CCDC85C: variants seen among roughly 807,000 people sequenced by gnomAD.
The protein encoded by CCDC85C is coiled-coil domain-containing protein 85C.
A neutral mutation model predicts 38.3 loss-of-function variants in CCDC85C; 18 were observed. That is an observed-to-expected ratio of 0.47 (90% confidence interval 0.33 to 0.70). The LOEUF is 0.70. CCDC85C is among the 30% of genes least tolerant of loss of function. CCDC85C has a pLI of 0.03. For synonymous variants in CCDC85C, 264 were observed against 293.8 expected, an observed-to-expected ratio of 0.90 and a Z score of 1.04; for missense variants, 566 against 621.2, an observed-to-expected ratio of 0.91 and a Z score of 0.94.
At chr14:99,550,642 G>A (rs902844720) in intron 1 of CCDC85C, among the ~76,000 whole-genome samples, 2 of 152,182 alleles carry the variant, frequency 1.3e-5, no homozygotes, top group African/African-American at 4.8e-5. Flanking sequence ...CCAACCTTAG[G>A]AGACTGCAGT....
chr14:99,543,122 A>C (rs1897744775), intron 1 of CCDC85C, among the ~76,000 whole-genome samples: 1 of 152,208 alleles, frequency 6.6e-6, no homozygotes, highest in Admixed American at 6.5e-5. Flanking sequence ...GTTCCCCATC[A>C]TAGGGGGAGA....
At chr14:99,595,880 C>A (rs2055137601) in intron 1 of CCDC85C, among the ~76,000 whole-genome samples, 1 of 152,236 alleles carries the variant, frequency 6.6e-6, no homozygotes, top group East Asian at 1.9e-4. Flanking sequence ...TGAGAGAAAA[C>A]CCAGTTGCTG....
Position 99,501,418 on chromosome 14 carries a change from A to G in CCDC85C, c.*13828T>C. The G allele has an allele frequency of 6.3e-7, 1 of 1,576,914 alleles. No homozygotes were observed. The highest frequency in any genetic ancestry group is 2.2e-5 in the East Asian group (1 of 44,712). On this transcript the variant is annotated 3_prime_UTR_variant, in exon 6 of 6. Transcript: ENST00000380243. ...ATGGACATTTGTAAATGACAGGTAT[A>G]CATGTTCAAATGTTGATTAATTACA...
At chr14:99,528,042 C>T (rs1355056586) in intron 2 of CCDC85C, among the ~76,000 whole-genome samples, 2 of 152,152 alleles carry the variant, frequency 1.3e-5, no homozygotes, top group African/African-American at 2.4e-5. Context: ...GAGGGCAGAT[C>T]CCAAGAAGAC....
At chr14:99,540,385 G>T (rs948771793) in intron 1 of CCDC85C, among the ~76,000 whole-genome samples, 4 of 152,172 alleles carry the variant, frequency 2.6e-5, no homozygotes, top group African/African-American at 9.6e-5. Context: ...CCAGGCGGGG[G>T]CTGGAGGGCA....
chr14:99,546,756 G>A (rs1462958012), intron 1 of CCDC85C, among the ~76,000 whole-genome samples: 3 of 152,052 alleles, frequency 2.0e-5, no homozygotes, highest in African/African-American at 7.2e-5. Flanking sequence ...AGAACAGAGC[G>A]CTTCATGAAC....
chr14:99,501,878 C>T lies in CCDC85C; in HGVS notation c.*13368G>A, dbSNP rs978976531. The stretch of plus-strand genomic sequence containing the variant: ...TGAAGCTTCTCTTACATTTGACTTC[C>T]TCCATAAGATTTCATTTGAAGAAAC... On this transcript the variant is annotated 3_prime_UTR_variant, in exon 6 of 6. Transcript: ENST00000380243. The T allele has an allele frequency of 8.3e-5, 20 of 240,318 alleles. No homozygotes were observed. The highest frequency in any genetic ancestry group is 4.1e-4 in the African/African-American group (18 of 43,488). 14.9% of individuals were successfully genotyped at this position (240,318 alleles called of 1,614,324 possible).
At chr14:99,574,670 G>C (rs2139967276) in intron 1 of CCDC85C, among the ~76,000 whole-genome samples, 1 of 152,326 alleles carries the variant, frequency 6.6e-6, no homozygotes, top group Middle Eastern at 3.4e-3. Context: ...GACAGCATTA[G>C]CCTGCTGGGA....
chr14:99,557,810 G>A (rs1040101180), intron 1 of CCDC85C, among the ~76,000 whole-genome samples: 1 of 152,144 alleles, frequency 6.6e-6, no homozygotes, highest in African/African-American at 2.4e-5. Flanking sequence ...AGCTACTTGA[G>A]AAGCCGAGGC....
rs1174944768 is a variant in CCDC85C, at chr14:99,503,659, T to A, written c.*11587A>T. On this transcript the variant is annotated 3_prime_UTR_variant, in exon 6 of 6. Coordinates refer to ENST00000380243, the MANE Select transcript of CCDC85C (RefSeq NM_001144995.2). ...CAAAGCAGCAGGTAATTTCCTGTTC[T>A]GATGTTTTTTTAGTTTTATGTGTTT... 1.9e-5 allele frequency: 30 copies of A among 1,552,102 alleles called. No homozygotes were observed. The highest frequency in any genetic ancestry group is 2.4e-5 in the Non-Finnish European group (27 of 1,146,350).
intron 1 of CCDC85C, among the ~76,000 whole-genome samples, chr14:99,555,256 G>A (rs918755714): frequency 3.9e-5 from 6 of 152,214 alleles, no homozygotes; most frequent in African/African-American, 1.4e-4. Flanking sequence ...GATGGCGTGG[G>A]CCCTCAGAGC....
At chr14:99,575,736 C>T (rs1898461604) in intron 1 of CCDC85C, among the ~76,000 whole-genome samples, 1 of 152,176 alleles carries the variant, frequency 6.6e-6, no homozygotes, top group Non-Finnish European at 1.5e-5. Context: ...ACTGGCCTGC[C>T]CTGAGCCACC....
rs75143790 is a variant in CCDC85C at position 99,528,145 on chromosome 14, G to A, written c.868-5905C>T. On this transcript the variant is annotated intron_variant, in intron 2 of 5. Coordinates refer to ENST00000380243, the MANE Select transcript of CCDC85C (RefSeq NM_001144995.2). ...AGTAGGGGACAGAGCACACAGCAGCGCACAGCACACAAAGCAGCCTCCCGA... is the reference window on the plus strand; with the variant it reads ...AGTAGGGGACAGAGCACACAGCAGCACACAGCACACAAAGCAGCCTCCCGA... 4.6e-5 allele frequency among the ~76,000 whole-genome samples: 7 copies of A among 152,052 alleles called. No individual in the cohort carries two copies. The South Asian group carries it at 6.2e-4, about 14-fold the overall frequency.
Position 99,502,878 on chromosome 14 carries a change from C to G in CCDC85C, c.*12368G>C, listed in dbSNP as rs752858323. On this transcript the variant is annotated 3_prime_UTR_variant, in exon 6 of 6. Coordinates refer to ENST00000380243, the MANE Select transcript of CCDC85C (RefSeq NM_001144995.2). The stretch of plus-strand genomic sequence containing the variant: ...TCTCAAAGCTCCGAACCATCCCAGC[C>G]CCAGCAGAAGGACCCCCAGCAACCA... The G allele has an allele frequency of 5.0e-6, 8 of 1,613,344 alleles. No individual in the cohort carries two copies. The highest frequency in any genetic ancestry group is 4.2e-6 in the Non-Finnish European group (5 of 1,179,600).
At chr14:99,568,912 A>G (rs4545740) in intron 1 of CCDC85C, among the ~76,000 whole-genome samples, 87,598 of 151,626 alleles carry the variant, frequency 0.58, 25,933 homozygotes, top group African/African-American at 0.72. Flanking sequence ...AGACTTCTGC[A>G]GGGTCCTTGC....
In CCDC85C at chr14:99,504,172, G is replaced by A; in HGVS notation, c.*11074C>T. The A allele has an allele frequency of 4.0e-6, 1 of 248,348 alleles. No homozygotes were observed. Among genetic ancestry groups the A allele is most frequent in the Middle Eastern group, 4.9e-4 (1 of 2,038 alleles). The allele number at this position is 248,348 out of a possible 1,614,324, so 15.4% of individuals were successfully genotyped here. A position where few individuals can be genotyped will look rare whatever the true frequency, so the allele number is the denominator to read the frequency against. On this transcript the variant is annotated 3_prime_UTR_variant, in exon 6 of 6. Coordinates refer to ENST00000380243, the MANE Select transcript of CCDC85C (RefSeq NM_001144995.2). ...AATATTGGAAATAAACAGAAGGAGT[G>A]AGCAAAATTGGAACAATTACAAAAC...
At chr14:99,530,049 G>C (rs1176944486) in intron 2 of CCDC85C, among the ~76,000 whole-genome samples, 1 of 152,330 alleles carries the variant, frequency 6.6e-6, no homozygotes, top group East Asian at 1.9e-4. Flanking sequence ...GCACTAGTGA[G>C]ACTTGAACCA....
chr14:99,545,628 C>T lies in CCDC85C; in HGVS notation c.794-9540G>A, dbSNP rs1897791266. Reference sequence around the variant, plus strand: ...CACACTCCCCTACCAACCCCAACTTCACTGCTGAAGTTGGGAATCAGTGAT... The same window carrying T: ...CACACTCCCCTACCAACCCCAACTTTACTGCTGAAGTTGGGAATCAGTGAT... On this transcript the variant is annotated intron_variant, in intron 1 of 5. Coordinates refer to ENST00000380243, the MANE Select transcript of CCDC85C (RefSeq NM_001144995.2). This position sits in a 1 kb window ranked among gnomAD's most constrained non-coding sequence, Gnocchi z 4.7. Among the ~76,000 whole-genome samples, 1 of 152,136 alleles carries T rather than the reference C, an allele frequency of 6.6e-6. No homozygotes were observed. Among genetic ancestry groups the T allele is most frequent in the Non-Finnish European group, 1.5e-5 (1 of 68,036 alleles).
intron 1 of CCDC85C, among the ~76,000 whole-genome samples, chr14:99,549,815 C>T (rs1897874247): frequency 6.6e-6 from 1 of 152,230 alleles, no homozygotes; most frequent in Admixed American, 6.5e-5. Flanking sequence ...CCCAGAGGTC[C>T]TGGGGAGGAC....
Sources: gnomAD v4.1 joint callset for allele counts (sites outside exome capture counted in the v4.1 genomes callset) on GRCh38, gnomAD v4.1.1 for gene constraint, Gnocchi (gnomAD v3.1) non-coding constraint, MANE v1.5 for transcripts, NCBI Gene and HGNC (gene_info 2026-07-23, HGNC 2026-07-21) for gene names.